Variants in NSUN4 observed in about 807,000 individuals in gnomAD.
NSUN4 encodes 5-cytosine rRNA methyltransferase NSUN4.
A neutral mutation model predicts 43.8 loss-of-function variants in NSUN4; 31 were observed. The observed-to-expected ratio is 0.71, with a 90% CI of 0.53 to 0.96. NSUN4 has a LOEUF of 0.96. Among genes scored for constraint, NSUN4 ranks in the 40% least tolerant of loss-of-function variants. The pLI is 0.00. For synonymous variants in NSUN4, 167 were observed against 184.1 expected (o/e 0.91, Z 0.75); for missense variants, 439 against 475.6 (o/e 0.92, Z 0.72).
the NSUN4 span, among the ~76,000 whole-genome samples, chr1:46,372,294 C>A: frequency 6.6e-6 from 1 of 151,940 alleles, no homozygotes; most frequent in African/African-American, 2.4e-5. Context: ...GTGCCCACCA[C>A]CACGCCCGGC....
At chr1:46,376,941 A>G in the NSUN4 span, among the ~76,000 whole-genome samples, 2 of 152,006 alleles carry the variant, frequency 1.3e-5, no homozygotes, top group South Asian at 4.2e-4. Context: ...TATTTTTAGT[A>G]GAGAAGGGGT....
At chr1:46,348,357 G>C (rs111353779) in intron 3 of NSUN4, among the ~76,000 whole-genome samples, 2 of 152,132 alleles carry the variant, frequency 1.3e-5, no homozygotes, top group Admixed American at 1.3e-4. Flanking sequence ...CATGGGTATC[G>C]CCCTTGCAAC....
downstream of NSUN4, among the ~76,000 whole-genome samples, chr1:46,366,947 C>T (rs1328998540): frequency 1.3e-5 from 2 of 151,764 alleles, no homozygotes; most frequent in Non-Finnish European, 2.9e-5. Flanking sequence ...CTATGGTTTT[C>T]ACCTTTTAGG....
At position 46,347,797 on chromosome 1, in the gene NSUN4, C is replaced by T. The variant is rs982279970; in HGVS notation, c.592+722C>T. ...ACTCTGCTACTCTCTGTTGCCTTTGCTCTTGTTAAATTTTCTCCCTGGAAT... is the reference window on the plus strand; with the variant it reads ...ACTCTGCTACTCTCTGTTGCCTTTGTTCTTGTTAAATTTTCTCCCTGGAAT... On this transcript the variant is annotated intron_variant, in intron 3 of 5. Coordinates refer to ENST00000474844, the MANE Select transcript of NSUN4 (RefSeq NM_199044.4). Among the ~76,000 whole-genome samples the T allele has an allele frequency of 1.6e-4, 24 of 151,888 alleles. 1 individual carries two copies. Among genetic ancestry groups the T allele is most frequent in the Non-Finnish European group, 2.8e-4 (19 of 67,996 alleles).
At position 46,363,079 on chromosome 1, in the gene NSUN4, C is replaced by T. The variant is rs555808693; in HGVS notation, c.*1233C>T. 4 of 151,674 alleles carry T rather than the reference C, an allele frequency of 2.6e-5. No individual in the cohort carries two copies. Among genetic ancestry groups the T allele is most frequent in the Non-Finnish European group, 4.4e-5 (3 of 67,996 alleles). 9.4% of individuals were successfully genotyped at this position (151,674 alleles called of 1,614,324 possible). ...TCTTGGCTTTTCCACTTTCCTTATT[C>T]CTCCTCTTCCTGCCACTCTTTTTGT... On this transcript the variant is annotated 3_prime_UTR_variant, in exon 6 of 6. Transcript: ENST00000474844.
rs1338004285 is a variant in NSUN4, at chr1:46,361,502, C to T, written c.879-68C>T. 14 of 1,441,268 alleles carry T rather than the reference C, an allele frequency of 9.7e-6. No homozygotes were observed. In the South Asian group the frequency reaches 1.1e-4, roughly 12 times the overall value. The allele number at this position is 1,441,268 out of a possible 1,614,324, so 89.3% of individuals were successfully genotyped here. ...AGCCTTCCCTTATCCATGTTTCCAG[C>T]TCCTTATGTTGCTCTTCTACTGCTG... On this transcript the variant is annotated intron_variant, in intron 5 of 5. Coordinates refer to ENST00000474844, the MANE Select transcript of NSUN4 (RefSeq NM_199044.4).
At chr1:46,345,573 G>C (rs1662429712) in intron 2 of NSUN4, among the ~76,000 whole-genome samples, 1 of 152,112 alleles carries the variant, frequency 6.6e-6, no homozygotes, top group South Asian at 2.1e-4. Context: ...TTCTCATTTT[G>C]CCCTCACAGC....
At chr1:46,368,426 A>G (rs929110026), downstream of NSUN4, among the ~76,000 whole-genome samples, 4 of 152,178 alleles carry the variant, frequency 2.6e-5, no homozygotes, top group Admixed American at 1.3e-4. Flanking sequence ...TTCTGCATGT[A>G]GGCCTCAAGA....
chr1:46,340,968 C>A, intron 1 of NSUN4, 49 bp downstream of exon 1: 3 of 1,503,154 alleles, frequency 2.0e-6, no homozygotes, highest in Non-Finnish European at 2.7e-6. Context: ...GTGGAAACTT[C>A]TCCAGTCTTT....
At chr1:46,365,552 G>A (rs1340028267), downstream of NSUN4, among the ~76,000 whole-genome samples, 1 of 152,058 alleles carries the variant, frequency 6.6e-6, no homozygotes, top group Non-Finnish European at 1.5e-5. Context: ...ATGTTGGCCA[G>A]GCTGGTCTCG....
the NSUN4 span, among the ~76,000 whole-genome samples, chr1:46,380,827 T>G: frequency 3.9e-5 from 6 of 152,170 alleles, no homozygotes; most frequent in Admixed American, 6.5e-5. Context: ...TGGGCCTCTA[T>G]TTTTCTAATA....
chr1:46,349,488 CTGCCTTAAAA>C (rs1368460985), intron 3 of NSUN4, among the ~76,000 whole-genome samples: 2 of 152,194 alleles, frequency 1.3e-5, no homozygotes, highest in Admixed American at 1.3e-4. Context: ...GGCCGATATC[CTGCCTTAAAA>C]TAGATAGTTT....
downstream of NSUN4, among the ~76,000 whole-genome samples, chr1:46,368,606 C>T (rs11809450): frequency 1.4e-4 from 22 of 152,238 alleles, no homozygotes; most frequent in African/African-American, 5.1e-4. Flanking sequence ...CAACCTAAAT[C>T]GCTGACCTCC....
chr1:46,373,950 G>A, the NSUN4 span, among the ~76,000 whole-genome samples: 2 of 151,712 alleles, frequency 1.3e-5, no homozygotes, highest in African/African-American at 4.9e-5. Context: ...ATGGGGGTGG[G>A]GAGATGTTGG....
In NSUN4 at chr1:46,362,468, T is replaced by C. The variant is rs1663944298; in HGVS notation, c.*622T>C. 1 of 152,534 alleles carries C rather than the reference T, an allele frequency of 6.6e-6. No homozygotes were observed. The highest frequency in any genetic ancestry group is 1.5e-5 in the Non-Finnish European group (1 of 68,314). The allele number at this position is 152,534 out of a possible 1,614,324, so 9.4% of individuals were successfully genotyped here. A position where few individuals can be genotyped will look rare whatever the true frequency, so the allele number is the denominator to read the frequency against. ...TGAGCTGAATAATTCTGGCCATTCC[T>C]GCTGTCAACAATACTGCTGCCCAAA... On this transcript the variant is annotated 3_prime_UTR_variant, in exon 6 of 6. Transcript: ENST00000474844.
At chr1:46,370,548 T>C in the NSUN4 span, 1 of 151,628 alleles carries the variant, frequency 6.6e-6, no homozygotes, top group East Asian at 1.9e-4. Flanking sequence ...TGCTGTCTTT[T>C]TTTTTTTTTT....
the NSUN4 span, among the ~76,000 whole-genome samples, chr1:46,382,952 G>A: frequency 6.6e-6 from 1 of 152,200 alleles, no homozygotes; most frequent in Non-Finnish European, 1.5e-5. Context: ...GATAAAGCAC[G>A]TAAAGTTCTG....
chr1:46,343,842 C>T (rs1662294825), intron 1 of NSUN4: 2 of 400,736 alleles, frequency 5.0e-6, no homozygotes, highest in Non-Finnish European at 8.8e-6. Context: ...CCCAACATGG[C>T]AAAGGTCAAG....
chr1:46,347,116 C>T (rs765416658), intron 3 of NSUN4, 41 bp downstream of exon 3: 7 of 1,594,524 alleles, frequency 4.4e-6, no homozygotes, highest in Non-Finnish European at 6.0e-6. Context: ...GAGAGCTCCC[C>T]ACCTCACCTA....
Sources: gnomAD v4.1 joint callset for allele counts (sites outside exome capture counted in the v4.1 genomes callset) on GRCh38, gnomAD v4.1.1 for gene constraint, MANE v1.5 for transcripts, NCBI Gene and HGNC (gene_info 2026-07-23, HGNC 2026-07-21) for gene names.